Variants in ITGA9 observed in about 807,000 individuals in gnomAD.
ITGA9 encodes the protein integrin alpha-9.
A neutral mutation model predicts 127.8 loss-of-function variants in ITGA9; 56 were observed. The observed-to-expected ratio is 0.44, with a 90% CI of 0.35 to 0.55. ITGA9 has a LOEUF of 0.55. Ranked by LOEUF, ITGA9 falls within the 20% of genes least tolerant of loss-of-function variation. ITGA9 has a pLI of 0.00. For synonymous variants in ITGA9, 508 were observed against 514.5 expected (o/e 0.99, Z 0.17); for missense variants, 1,196 against 1,347.1 (o/e 0.89, Z 1.76).
chr3:37,627,257 C>A (rs979262793), intron 15 of ITGA9, among the ~76,000 whole-genome samples: 1 of 152,154 alleles, frequency 6.6e-6, no homozygotes, highest in Non-Finnish European at 1.5e-5. Context: ...ACTCGGGCTC[C>A]CACCCCGGGA....
At chr3:37,575,737 G>A (rs996252742) in intron 15 of ITGA9, among the ~76,000 whole-genome samples, 4 of 152,226 alleles carry the variant, frequency 2.6e-5, no homozygotes, top group South Asian at 2.1e-4. Flanking sequence ...AGTGACCCAC[G>A]TGAAAAAGGA....
intron 14 of ITGA9, among the ~76,000 whole-genome samples, chr3:37,541,704 C>T (rs1428256139): frequency 1.1e-4 from 17 of 152,172 alleles, no homozygotes; most frequent in Admixed American, 1.0e-3. Context: ...AAAGGATAGG[C>T]ACTACAAAAT....
chr3:37,637,258 C>T (rs539904101), intron 16 of ITGA9, among the ~76,000 whole-genome samples: 2 of 152,318 alleles, frequency 1.3e-5, no homozygotes, highest in South Asian at 2.1e-4. Flanking sequence ...ATTCTTCCTA[C>T]CTACGAGCAT....
intron 10 of ITGA9, among the ~76,000 whole-genome samples, chr3:37,518,805 G>A (rs553641292): frequency 3.9e-5 from 3 of 76,704 alleles, no homozygotes; most frequent in Non-Finnish European, 6.8e-5. Context: ...TTTTTTTTGA[G>A]ATGGAGTCTC....
chr3:37,528,541 A>T (rs921076926), intron 13 of ITGA9, among the ~76,000 whole-genome samples: 14 of 152,130 alleles, frequency 9.2e-5, no homozygotes, highest in Admixed American at 9.2e-4. Flanking sequence ...CCATTATCTT[A>T]TTCATTCAGC....
intron 22 of ITGA9, chr3:37,748,053 C>G (rs1696527538): frequency 5.4e-6 from 2 of 373,164 alleles, no homozygotes; most frequent in Non-Finnish European, 1.0e-5. Flanking sequence ...TTTCAATCAC[C>G]CCCAAAAGAA....
chr3:37,656,747 G>C (rs993050666), intron 17 of ITGA9, among the ~76,000 whole-genome samples: 4 of 152,248 alleles, frequency 2.6e-5, no homozygotes, highest in East Asian at 3.9e-4. Context: ...AGTGATGAGC[G>C]AGGGCATCCT....
chr3:37,714,282 A>G (rs1238276251), intron 18 of ITGA9, among the ~76,000 whole-genome samples: 1 of 152,206 alleles, frequency 6.6e-6, no homozygotes, highest in Non-Finnish European at 1.5e-5. Context: ...ATGTATGTCC[A>G]TTCCTTCCTC....
chr3:37,524,636 A>G (rs903193569), intron 12 of ITGA9, among the ~76,000 whole-genome samples: 1 of 152,212 alleles, frequency 6.6e-6, no homozygotes, highest in Non-Finnish European at 1.5e-5. Context: ...AATATGTACA[A>G]AATGCTTCCA....
At chr3:37,714,025 A>T (rs1413843805) in intron 18 of ITGA9, among the ~76,000 whole-genome samples, 1 of 152,220 alleles carries the variant, frequency 6.6e-6, no homozygotes, top group Non-Finnish European at 1.5e-5. Context: ...TGGCTGCATG[A>T]TGATGTGCCT....
At chr3:37,475,655 G>A (rs912642393) in intron 3 of ITGA9, among the ~76,000 whole-genome samples, 8 of 152,200 alleles carry the variant, frequency 5.3e-5, no homozygotes, top group African/African-American at 1.7e-4. Context: ...CACTGTATAT[G>A]GGTGCTGGGC....
intron 18 of ITGA9, among the ~76,000 whole-genome samples, chr3:37,716,615 CA>C: frequency 6.7e-6 from 1 of 148,324 alleles, no homozygotes; most frequent in Non-Finnish European, 1.5e-5. Flanking sequence ...TCAGAACAAG[CA>C]TACTAGATCT....
At position 37,641,782 on chromosome 3, in the gene ITGA9, C is replaced by T. The variant is rs181759331; in HGVS notation, c.1840-11932C>T. On this transcript the variant is annotated intron_variant, in intron 16 of 27. Transcript: ENST00000264741. ...CCCACCACCCTCAAACTTACCAGGC[C>T]TCTGCCTGCCTCAGGCCCTTTGCAT... 3.6e-3 allele frequency among the ~76,000 whole-genome samples: 551 copies of T among 152,316 alleles called. 5 individuals are homozygous for T. The highest frequency in any genetic ancestry group is 0.013 in the African/African-American group (527 of 41,562).
chr3:37,458,363 A>G (rs1199781882), intron 1 of ITGA9, among the ~76,000 whole-genome samples: 1 of 152,190 alleles, frequency 6.6e-6, no homozygotes, highest in African/African-American at 2.4e-5. Context: ...GGGGGCGGGT[A>G]TTGCCTGTGA....
intron 15 of ITGA9, among the ~76,000 whole-genome samples, chr3:37,588,997 A>T (rs1467222671): frequency 6.6e-6 from 1 of 152,218 alleles, no homozygotes; most frequent in Admixed American, 6.5e-5. Flanking sequence ...AGATGTTTAC[A>T]CAAAGCTGTA....
intron 23 of ITGA9, among the ~76,000 whole-genome samples, chr3:37,757,071 A>T: frequency 6.6e-6 from 1 of 151,916 alleles, no homozygotes; most frequent in East Asian, 1.9e-4. Flanking sequence ...GGGAAGACTG[A>T]AAATAAGTGA....
chr3:37,577,091 A>G (rs1449124904), intron 15 of ITGA9, among the ~76,000 whole-genome samples: 1 of 152,150 alleles, frequency 6.6e-6, no homozygotes, highest in Non-Finnish European at 1.5e-5. Context: ...CTGATGTGGC[A>G]CAGGTGGTCA....
chr3:37,526,090 G>T lies in ITGA9; in HGVS notation c.1373+19G>T, dbSNP rs369723775. The T allele has an allele frequency of 1.2e-6, 2 of 1,610,704 alleles. No homozygotes were observed. Among genetic ancestry groups the T allele is most frequent in the East Asian group, 4.5e-5 (2 of 44,870 alleles). Reference sequence around the variant, plus strand: ...TTCTCAGGTGAGAGGCCCCACTCTTGCTCCTTGAATTGTGCTGTTCAGGGT... The same window carrying T: ...TTCTCAGGTGAGAGGCCCCACTCTTTCTCCTTGAATTGTGCTGTTCAGGGT... On this transcript the variant is annotated intron_variant, in intron 13 of 27. Coordinates refer to ENST00000264741, the MANE Select transcript of ITGA9 (RefSeq NM_002207.3).
chr3:37,742,699 A>G (rs1158367768), intron 21 of ITGA9, among the ~76,000 whole-genome samples: 1 of 152,186 alleles, frequency 6.6e-6, no homozygotes. Flanking sequence ...TCTGGGTCTC[A>G]GCCTTGATTA....
Sources: allele counts gnomAD v4.1 joint callset (sites outside exome capture counted in the v4.1 genomes callset), GRCh38; gene constraint gnomAD v4.1.1; transcripts MANE v1.5; gene names NCBI Gene and HGNC (gene_info 2026-07-23, HGNC 2026-07-21).